Variants in TECRL observed in about 807,000 individuals in gnomAD.
TECRL encodes trans-2,3-enoyl-CoA reductase like.
Under a neutral mutation model 52.8 loss-of-function variants are expected in TECRL, and 63 were observed. That is an observed-to-expected ratio of 1.19 (90% CI 0.97 to 1.47). The LOEUF (loss-of-function observed/expected upper bound fraction) is 1.47. Ranked by LOEUF, TECRL falls within the 40% of genes most tolerant of loss-of-function variation. The pLI, the probability that TECRL is intolerant of heterozygous loss-of-function variation, is 0.00. For missense variants in TECRL, 482 were observed against 429.6 expected (o/e 1.12, Z -1.08); for synonymous variants, 164 against 141.9 (o/e 1.16, Z -1.10).
At chr4:64,316,403 T>G (rs551234156) in intron 4 of TECRL, among the ~76,000 whole-genome samples, 328 of 152,160 alleles carry the variant, frequency 2.2e-3, no homozygotes, top group Non-Finnish European at 3.8e-3. Flanking sequence ...ATATGGAGGG[T>G]TATGAATAAT....
chr4:64,387,643 A>G (rs1402798532), intron 1 of TECRL, among the ~76,000 whole-genome samples: 5 of 152,030 alleles, frequency 3.3e-5, no homozygotes, highest in African/African-American at 4.8e-5. Context: ...TCCTGATGAC[A>G]TATAATGTAG....
intron 4 of TECRL, among the ~76,000 whole-genome samples, chr4:64,322,251 C>A (rs534843485): frequency 1.3e-5 from 2 of 152,008 alleles, no homozygotes; most frequent in South Asian, 4.2e-4. Context: ...TATATAAACC[C>A]CTAGTTTTAG....
In TECRL at chr4:64,279,401, C is replaced by T. The variant is rs1577786650; in HGVS notation, c.*671G>A. 6.6e-6 allele frequency: 1 copy of T among 152,134 alleles called. No homozygotes were observed. The highest frequency in any genetic ancestry group is 1.5e-5 in the Non-Finnish European group (1 of 68,070). 9.4% of individuals were successfully genotyped at this position (152,134 alleles called of 1,614,324 possible). On this transcript the variant is annotated 3_prime_UTR_variant, in exon 12 of 12. Transcript: ENST00000381210. The stretch of plus-strand genomic sequence containing the variant: ...ACCTACTGGCATGTGCCACCACGCC[C>T]AGCTAATTTTTACTTTTTAAAATTT...
At chr4:64,281,174 T>A in intron 10 of TECRL, 88 bp from the exon 11 acceptor site, 1 of 922,984 alleles carries the variant, frequency 1.1e-6, no homozygotes, top group Non-Finnish European at 1.6e-6. Context: ...TTTTAAGGCT[T>A]AAAATATTAG....
chr4:64,392,997 A>G (rs190265758), intron 1 of TECRL, among the ~76,000 whole-genome samples: 1 of 152,058 alleles, frequency 6.6e-6, no homozygotes, highest in African/African-American at 2.4e-5. Context: ...CCTGCTTAGT[A>G]CATAACTTGG....
chr4:64,388,741 G>A, intron 1 of TECRL, among the ~76,000 whole-genome samples: 1 of 151,682 alleles, frequency 6.6e-6, no homozygotes, highest in East Asian at 1.9e-4. Context: ...TTATGTAAAT[G>A]TTTTGTTAGA....
chr4:64,369,142 T>A (rs1410033455), intron 2 of TECRL, among the ~76,000 whole-genome samples: 1 of 152,216 alleles, frequency 6.6e-6, no homozygotes, highest in Non-Finnish European at 1.5e-5. Context: ...AAAATGATTT[T>A]GCTTTTTTTG....
rs189621614 is a variant in TECRL, at chr4:64,401,047, C to T, written c.234+8071G>A. On this transcript the variant is annotated intron_variant, in intron 1 of 11. Coordinates refer to ENST00000381210, the MANE Select transcript of TECRL (RefSeq NM_001010874.5). ...GCAGATCCCAATACTATCTTGCCTCCCAAATGTGGCAGTCTTGAACAAGCT... is the reference window on the plus strand; with the variant it reads ...GCAGATCCCAATACTATCTTGCCTCTCAAATGTGGCAGTCTTGAACAAGCT... Among the ~76,000 whole-genome samples, 54 of 152,254 alleles carry T rather than the reference C, an allele frequency of 3.5e-4. No individual in the cohort carries two copies. The East Asian group carries it at 0.01, about 28-fold the overall frequency.
rs1304408559 is a variant in TECRL, at chr4:64,314,006, T to C, written c.551+642A>G. Among the ~76,000 whole-genome samples, 4 of 140,984 alleles carry C rather than the reference T, an allele frequency of 2.8e-5. No individual in the cohort carries two copies. In the South Asian group the frequency reaches 9.1e-4, roughly 32 times the overall value. The allele number at this position is 140,984 out of a possible 152,430, so 92.5% of individuals were successfully genotyped here. ...AAAAAAAAAAAAAAAAAAAATTAGC[T>C]GAGCATTGTGGCAAGCACCTGTAGT... On this transcript the variant is annotated intron_variant, in intron 5 of 11. Transcript: ENST00000381210.
chr4:64,327,059 GT>G (rs545440600), intron 3 of TECRL, among the ~76,000 whole-genome samples: 1 of 151,934 alleles, frequency 6.6e-6, no homozygotes, highest in East Asian at 1.9e-4. Context: ...GATTTAAGTG[GT>G]TTTTTTAGTT....
At chr4:64,313,775 C>T (rs1430073979) in intron 5 of TECRL, among the ~76,000 whole-genome samples, 5 of 150,658 alleles carry the variant, frequency 3.3e-5, no homozygotes, top group African/African-American at 9.7e-5. Context: ...GCCACCAGCA[C>T]GGCTGCCTTA....
chr4:64,344,455 A>G (rs138733578), intron 2 of TECRL, among the ~76,000 whole-genome samples: 2 of 152,270 alleles, frequency 1.3e-5, no homozygotes, highest in African/African-American at 4.8e-5. Flanking sequence ...AGGACATTTT[A>G]TATAAATTAT....
At chr4:64,367,121 A>C (rs1310221536) in intron 2 of TECRL, among the ~76,000 whole-genome samples, 1 of 152,120 alleles carries the variant, frequency 6.6e-6, no homozygotes, top group African/African-American at 2.4e-5. Flanking sequence ...ATCATGTGTA[A>C]ATTAACATAG....
intron 3 of TECRL, among the ~76,000 whole-genome samples, chr4:64,328,266 G>A (rs1407564325): frequency 6.6e-6 from 1 of 151,874 alleles, no homozygotes; most frequent in South Asian, 2.1e-4. Context: ...ACCAGTTAAA[G>A]CTTCACAAAC....
At chr4:64,324,989 G>T (rs950740853) in intron 3 of TECRL, among the ~76,000 whole-genome samples, 1 of 152,096 alleles carries the variant, frequency 6.6e-6, no homozygotes, top group Non-Finnish European at 1.5e-5. Context: ...AGATTATCTA[G>T]GTAGTCCTGA....
At chr4:64,331,577 A>G (rs1023247057) in intron 2 of TECRL, among the ~76,000 whole-genome samples, 6 of 152,190 alleles carry the variant, frequency 3.9e-5, no homozygotes, top group Non-Finnish European at 7.4e-5. Flanking sequence ...AATCTCATAG[A>G]AAGTCACCTA....
intron 1 of TECRL, among the ~76,000 whole-genome samples, chr4:64,386,155 C>T (rs2109729244): frequency 6.6e-6 from 1 of 152,212 alleles, no homozygotes; most frequent in South Asian, 2.1e-4. Flanking sequence ...GACTGGAAGC[C>T]TTACCAATAA....
intron 1 of TECRL, among the ~76,000 whole-genome samples, chr4:64,389,434 T>G (rs1398390925): frequency 6.6e-6 from 1 of 151,988 alleles, no homozygotes; most frequent in African/African-American, 2.4e-5. Flanking sequence ...GCTTTTTAAA[T>G]GTTGGACTAG....
chr4:64,326,570 C>A (rs906369845), intron 3 of TECRL, among the ~76,000 whole-genome samples: 1 of 152,082 alleles, frequency 6.6e-6, no homozygotes, highest in Non-Finnish European at 1.5e-5. Context: ...CCTCTACTCC[C>A]AGCTTGTGAG....
Sources: allele counts gnomAD v4.1 joint callset (sites outside exome capture counted in the v4.1 genomes callset), GRCh38; gene constraint gnomAD v4.1.1; transcripts MANE v1.5; gene names NCBI Gene and HGNC (gene_info 2026-07-23, HGNC 2026-07-21).